TFDP2: variants seen among roughly 807,000 people sequenced by gnomAD.
TFDP2 encodes the protein transcription factor Dp-2 (E2F dimerization partner 2).
TFDP2 carries 17 observed loss-of-function variants against 59.3 expected under a neutral mutation model. The observed-to-expected ratio is 0.29, with a 90% confidence interval of 0.20 to 0.43. TFDP2 has a LOEUF of 0.43. Ranked by LOEUF, TFDP2 falls within the 20% of genes least tolerant of loss-of-function variation. TFDP2 has a pLI of 1.00. For missense variants in TFDP2, 391 were observed against 528.8 expected (o/e 0.74, Z 2.56); for synonymous variants, 180 against 194.7 (o/e 0.92, Z 0.63).
chr3:142,035,059 T>C (rs530676552), intron 3 of TFDP2, among the ~76,000 whole-genome samples: 1 of 152,356 alleles, frequency 6.6e-6, no homozygotes, highest in Non-Finnish European at 1.5e-5. Flanking sequence ...CCAAAACTTG[T>C]GGAGTGGTTC....
intron 3 of TFDP2, among the ~76,000 whole-genome samples, chr3:142,092,238 G>A (rs934340618): frequency 2.6e-5 from 4 of 152,152 alleles, no homozygotes; most frequent in African/African-American, 9.7e-5. Context: ...ATTTCAGCAT[G>A]TATCTCTATA....
At chr3:142,142,688 A>G (rs2108754626) in intron 1 of TFDP2, among the ~76,000 whole-genome samples, 1 of 152,350 alleles carries the variant, frequency 6.6e-6, no homozygotes, top group African/African-American at 2.4e-5. Flanking sequence ...GAATCACATT[A>G]CCTGACTTCA....
chr3:141,945,080 T>C lies in TFDP2; in HGVS notation c.*7433A>G, dbSNP rs1935093324. On this transcript the variant is annotated 3_prime_UTR_variant, in exon 13 of 13. Transcript: ENST00000489671. Reference sequence around the variant, plus strand: ...ATAGCACATAGTCAGAGTAAAGCATTTTCAGATGAAAAGGTGAACAACCTA... The same window carrying C: ...ATAGCACATAGTCAGAGTAAAGCATCTTCAGATGAAAAGGTGAACAACCTA... 1 of 152,122 alleles carries C rather than the reference T, an allele frequency of 6.6e-6. No homozygotes were observed. Among genetic ancestry groups the C allele is most frequent in the Non-Finnish European group, 1.5e-5 (1 of 68,024 alleles). 9.4% of individuals were successfully genotyped at this position (152,122 alleles called of 1,614,324 possible).
intron 3 of TFDP2, among the ~76,000 whole-genome samples, chr3:142,020,859 C>G (rs1945532694): frequency 6.6e-6 from 1 of 151,812 alleles, no homozygotes; most frequent in South Asian, 2.1e-4. Context: ...GTGACACACA[C>G]TTATGGTCCC....
chr3:142,042,601 GTTTC>G (rs1947042264), intron 3 of TFDP2, among the ~76,000 whole-genome samples: 2 of 127,642 alleles, frequency 1.6e-5, no homozygotes, highest in African/African-American at 5.7e-5. Context: ...CCTGGCCAGT[GTTTC>G]TTTTTCTTTC....
In TFDP2 at chr3:141,950,313, C is replaced by A. The variant is rs930204413; in HGVS notation, c.*2200G>T. The A allele has an allele frequency of 3.3e-5, 5 of 152,212 alleles. No individual in the cohort carries two copies. Among genetic ancestry groups the A allele is most frequent in the African/African-American group, 1.2e-4 (5 of 41,444 alleles). 9.4% of individuals were successfully genotyped at this position (152,212 alleles called of 1,614,324 possible). On this transcript the variant is annotated 3_prime_UTR_variant, in exon 13 of 13. Coordinates refer to ENST00000489671, the MANE Select transcript of TFDP2 (RefSeq NM_001178139.2). ...CTCTGTGAGCTGGCCTCACCAGTAA[C>A]CCAAACACAACGCTGAGGAAGGAGA...
rs138986396 is a variant in TFDP2 at position 141,979,479 on chromosome 3, C to A, written c.357-797G>T. ...AACGCATTGTTATCACAGGAAATGA[C>A]AGCTCCATGTGTGTTACTGCCCCTG... On this transcript the variant is annotated intron_variant, in intron 6 of 12. Transcript: ENST00000489671. Among the ~76,000 whole-genome samples, 146 of 152,316 alleles carry A rather than the reference C, an allele frequency of 9.6e-4. 1 individual carries two copies. Among genetic ancestry groups the A allele is most frequent in the African/African-American group, 3.5e-3 (144 of 41,570 alleles).
intron 3 of TFDP2, among the ~76,000 whole-genome samples, chr3:142,040,250 C>T (rs1304849496): frequency 6.6e-6 from 1 of 152,162 alleles, no homozygotes; most frequent in Non-Finnish European, 1.5e-5. Flanking sequence ...CTTTTCTCAT[C>T]ATTAAACTGG....
intron 3 of TFDP2, among the ~76,000 whole-genome samples, chr3:142,030,984 C>T (rs1946404997): frequency 6.6e-6 from 1 of 151,830 alleles, no homozygotes; most frequent in African/African-American, 2.4e-5. Flanking sequence ...CCTCGTGATC[C>T]GCCCGCCTCG....
At chr3:142,099,531 G>A (rs1318782094) in intron 2 of TFDP2, among the ~76,000 whole-genome samples, 5 of 151,844 alleles carry the variant, frequency 3.3e-5, no homozygotes, top group East Asian at 1.9e-4. Context: ...GAGAAACCCC[G>A]TCTCTACTAA....
chr3:141,977,035 T>C (rs1368203442), intron 7 of TFDP2, among the ~76,000 whole-genome samples: 1 of 148,240 alleles, frequency 6.7e-6, no homozygotes, highest in Non-Finnish European at 1.5e-5. Flanking sequence ...AAGAATAATA[T>C]ATCAGAATCA....
At chr3:141,996,231 A>G (rs529205177) in intron 4 of TFDP2, among the ~76,000 whole-genome samples, 1 of 152,348 alleles carries the variant, frequency 6.6e-6, no homozygotes, top group Non-Finnish European at 1.5e-5. Flanking sequence ...TAATACAAAA[A>G]AACTAGCAGC....
chr3:142,091,577 T>TA (rs201365087), intron 3 of TFDP2, among the ~76,000 whole-genome samples: 28 of 149,610 alleles, frequency 1.9e-4, no homozygotes, highest in East Asian at 5.9e-4. Context: ...AAAAAAAAAA[T>TA]AAATAAAATA....
chr3:141,976,897 T>C (rs1244245197), intron 7 of TFDP2, among the ~76,000 whole-genome samples: 1 of 151,424 alleles, frequency 6.6e-6, no homozygotes, highest in Non-Finnish European at 1.5e-5. Context: ...CAAATCATAT[T>C]CTCTGGACAA....
intron 11 of TFDP2, among the ~76,000 whole-genome samples, chr3:141,959,238 G>C (rs1034838086): frequency 7.2e-5 from 11 of 152,074 alleles, no homozygotes; most frequent in African/African-American, 2.7e-4. Context: ...TTACAGGTGT[G>C]AGCTGCAGCG....
intron 3 of TFDP2, among the ~76,000 whole-genome samples, chr3:142,060,148 G>A (rs1312700039): frequency 2.6e-5 from 4 of 152,120 alleles, no homozygotes; most frequent in Admixed American, 6.5e-5. Context: ...CAATTTTACT[G>A]TTCTCCTTTC....
At chr3:142,055,478 G>A (rs916013939) in intron 3 of TFDP2, among the ~76,000 whole-genome samples, 1 of 152,110 alleles carries the variant, frequency 6.6e-6, no homozygotes, top group Non-Finnish European at 1.5e-5. Flanking sequence ...CCTCACAATA[G>A]CCCTTATGAA....
At chr3:142,044,862 T>G (rs1222178808) in intron 3 of TFDP2, among the ~76,000 whole-genome samples, 2 of 152,190 alleles carry the variant, frequency 1.3e-5, no homozygotes, top group Non-Finnish European at 2.9e-5. Context: ...TCCGTGTTCT[T>G]GGGAATAACC....
chr3:142,026,243 T>A (rs992335760), intron 3 of TFDP2, among the ~76,000 whole-genome samples: 3 of 151,842 alleles, frequency 2.0e-5, no homozygotes, highest in Non-Finnish European at 2.9e-5. Flanking sequence ...TAGTCCCAGC[T>A]ACTGGGGAGG....
Sources: gnomAD v4.1 joint callset for allele counts (sites outside exome capture counted in the v4.1 genomes callset) on GRCh38, gnomAD v4.1.1 for gene constraint, MANE v1.5 for transcripts, NCBI Gene and HGNC (gene_info 2026-07-23, HGNC 2026-07-21) for gene names.